PPP2R5C: variants seen among roughly 807,000 people sequenced by gnomAD.
PPP2R5C encodes serine/threonine-protein phosphatase 2A 56 kDa regulatory subunit gamma isoform.
A neutral mutation model predicts 68.9 loss-of-function variants in PPP2R5C; 7 were observed. The observed-to-expected ratio is 0.10, with a 90% confidence interval of 0.06 to 0.19. The LOEUF is 0.19. Among genes scored for constraint, PPP2R5C ranks in the 10% least tolerant of loss-of-function variants. The probability of loss-of-function intolerance (pLI) is 1.00; values close to 1 mark genes in which losing one functional copy is unlikely to be tolerated. For synonymous variants in PPP2R5C, 210 were observed against 222.2 expected (o/e 0.95, Z 0.49); for missense variants, 348 against 641.3 (o/e 0.54, Z 4.94).
intron 1 of PPP2R5C, among the ~76,000 whole-genome samples, chr14:101,828,661 A>C (rs1231424783): frequency 2.0e-5 from 3 of 151,448 alleles, no homozygotes; most frequent in Non-Finnish European, 4.4e-5. Context: ...CACTTAACTG[A>C]AATTCACAGA....
intron 1 of PPP2R5C, among the ~76,000 whole-genome samples, chr14:101,762,314 C>A (rs1264257001): frequency 6.6e-6 from 1 of 152,036 alleles, no homozygotes; most frequent in Non-Finnish European, 1.5e-5. Context: ...CGGAAAGGAG[C>A]TTCAGGGATG....
At position 101,882,051 on chromosome 14, in the gene PPP2R5C, T is replaced by A; in HGVS notation, c.295-110T>A. 1 of 861,324 alleles carries A rather than the reference T, an allele frequency of 1.2e-6. No individual in the cohort carries two copies. The highest frequency in any genetic ancestry group is 3.6e-4 in the Middle Eastern group (1 of 2,810). The allele number at this position is 861,324 out of a possible 1,614,324, so 53.4% of individuals were successfully genotyped here. A position where few individuals can be genotyped will look rare whatever the true frequency, so the allele number is the denominator to read the frequency against. On this transcript the variant is annotated intron_variant, in intron 2 of 13. Transcript: ENST00000334743. The surrounding 1 kb of genome is among the most constrained non-coding windows in gnomAD (Gnocchi z 4.9). The stretch of plus-strand genomic sequence containing the variant: ...CTGCGTTTTGAGGATACGGAGGAGC[T>A]AAGTTACCATGGGAAGCGGCTACTG...
intron 5 of PPP2R5C, 61 bp from the exon 8 acceptor site, chr14:101,890,176 A>T: frequency 1.4e-6 from 2 of 1,455,364 alleles, no homozygotes; most frequent in Non-Finnish European, 9.6e-7. Flanking sequence ...CTCCTAGAGC[A>T]TTGTTTTCTT....
Position 101,916,207 on chromosome 14 carries a change from G to A in PPP2R5C, c.1327-1624G>A, listed in dbSNP as rs1483901066. Among the ~76,000 whole-genome samples the A allele has an allele frequency of 6.6e-6, 1 of 152,228 alleles. No homozygotes were observed. Among genetic ancestry groups the A allele is most frequent in the Non-Finnish European group, 1.5e-5 (1 of 68,040 alleles). On this transcript the variant is annotated intron_variant, in intron 12 of 13. Transcript: ENST00000334743. The surrounding 1 kb of genome is among the most constrained non-coding windows in gnomAD (Gnocchi z 5.5). ...TGGGGCTGTCGGGGTAGGGTGTGGA[G>A]ATGTGTGGAGATCGTGGTGCTGGGC...
intron 2 of PPP2R5C, among the ~76,000 whole-genome samples, chr14:101,868,066 A>G (rs183890863): frequency 2.4e-4 from 36 of 152,166 alleles, no homozygotes; most frequent in Non-Finnish European, 4.3e-4. Context: ...TCCTTCTTCT[A>G]TTTTTATAGC....
chr14:101,802,951 T>TAA (rs571594853), intron 3 of PPP2R5C, among the ~76,000 whole-genome samples: 12,440 of 99,568 alleles, frequency 0.12, 838 homozygotes, highest in Admixed American at 0.16. Context: ...GGCTACTATT[T>TAA]AAAAAAAAAA....
At chr14:101,865,797 G>C (rs2043026149) in intron 2 of PPP2R5C, among the ~76,000 whole-genome samples, 1 of 152,186 alleles carries the variant, frequency 6.6e-6, no homozygotes, top group Non-Finnish European at 1.5e-5. Flanking sequence ...AAGCCTCCAA[G>C]ATTTCTCAGA....
intron 2 of PPP2R5C, 77 bp from the exon 3 acceptor site, chr14:101,785,941 T>C (rs1182301312): frequency 7.6e-7 from 1 of 1,320,904 alleles, no homozygotes; most frequent in African/African-American, 1.5e-5. Context: ...CTCATGTATA[T>C]GTTTTTCTAT....
intron 3 of PPP2R5C, 105 bp downstream of exon 3, chr14:101,786,288 G>T: frequency 4.4e-6 from 5 of 1,123,664 alleles, no homozygotes; most frequent in Middle Eastern, 2.4e-4. Context: ...TGTATTTTGT[G>T]GGGTCATCTT....
rs922756948 is a variant in PPP2R5C at position 101,915,737 on chromosome 14, C to T, written c.1327-2094C>T. ...TAGGGATACAAAGATGAGAACAAGA[C>T]ATAGCCCCCAGCCTCAGGGAGCTTA... On this transcript the variant is annotated intron_variant, in intron 12 of 13. Transcript: ENST00000334743. This position sits in a 1 kb window ranked among gnomAD's most constrained non-coding sequence, Gnocchi z 4.2. 1.3e-5 allele frequency among the ~76,000 whole-genome samples: 2 copies of T among 152,228 alleles called. No homozygotes were observed. Among genetic ancestry groups the T allele is most frequent in the Non-Finnish European group, 2.9e-5 (2 of 68,044 alleles).
At chr14:101,887,849 G>A (rs933256088) in intron 5 of PPP2R5C, among the ~76,000 whole-genome samples, 1 of 152,126 alleles carries the variant, frequency 6.6e-6, no homozygotes, top group Non-Finnish European at 1.5e-5. Context: ...GACTTCTATA[G>A]CCAGCAGGTT....
chr14:101,761,017 C>CTGGTCGAAGGG (rs1566813301), upstream of PPP2R5C, among the ~76,000 whole-genome samples: 1 of 78,780 alleles, frequency 1.3e-5, no homozygotes, highest in African/African-American at 5.7e-5. Context: ...AAGGGGAGGG[C>CTGGTCGAAGGG]AGGGGACGGG....
At chr14:101,869,038 G>A (rs1364587121) in intron 2 of PPP2R5C, among the ~76,000 whole-genome samples, 3 of 152,116 alleles carry the variant, frequency 2.0e-5, no homozygotes, top group Non-Finnish European at 4.4e-5. Context: ...TCAGCCTCCC[G>A]AGTAGAAGAA....
At chr14:101,798,390 T>G (rs1236198487) in intron 3 of PPP2R5C, among the ~76,000 whole-genome samples, 1 of 152,178 alleles carries the variant, frequency 6.6e-6, no homozygotes, top group Non-Finnish European at 1.5e-5. Flanking sequence ...TACCTAGAAA[T>G]AAAATCAGTA....
Position 101,918,010 on chromosome 14 carries a change from TG to T in PPP2R5C, c.1443+64del, listed in dbSNP as rs1156373244. The stretch of plus-strand genomic sequence containing the variant: ...GATTTGCTTAAGAAATGCACATTTT[TG>T]TAGGCGATGTGATTTGCATCAGTGC... On this transcript the variant is annotated intron_variant, in intron 13 of 13. Transcript: ENST00000334743. 8 of 1,607,178 alleles carry T rather than the reference TG, an allele frequency of 5.0e-6. No homozygotes were observed. In the East Asian group the frequency reaches 1.6e-4, roughly 31 times the overall value.
chr14:101,898,802 A>G (rs1045412742), intron 8 of PPP2R5C, among the ~76,000 whole-genome samples: 2 of 152,248 alleles, frequency 1.3e-5, no homozygotes, highest in African/African-American at 4.8e-5. Flanking sequence ...TCAGACCCTC[A>G]TGTCAGTAAA....
chr14:101,833,501 C>A (rs2040880366), intron 1 of PPP2R5C: 1 of 152,246 alleles, frequency 6.6e-6, no homozygotes, highest in Non-Finnish European at 1.5e-5. Context: ...TCTTCAGAAA[C>A]CACCACCTTG....
chr14:101,832,331 TTTTAC>T (rs1045727627), intron 1 of PPP2R5C, among the ~76,000 whole-genome samples: 13 of 152,230 alleles, frequency 8.5e-5, no homozygotes, highest in African/African-American at 2.9e-4. Context: ...TTGAGTATTA[TTTTAC>T]TTTAATAATT....
At chr14:101,859,710 A>C (rs2140614114) in intron 2 of PPP2R5C, among the ~76,000 whole-genome samples, 1 of 152,268 alleles carries the variant, frequency 6.6e-6, no homozygotes, top group African/African-American at 2.4e-5. Context: ...CTCTGTCCCA[A>C]GCAGTGCCTG....
Sources: gnomAD v4.1 joint callset for allele counts (sites outside exome capture counted in the v4.1 genomes callset) on GRCh38, gnomAD v4.1.1 for gene constraint, Gnocchi (gnomAD v3.1) non-coding constraint, MANE v1.5 for transcripts, NCBI Gene and HGNC (gene_info 2026-07-23, HGNC 2026-07-21) for gene names.